ADCYAP1R1: variants seen among roughly 807,000 people sequenced by gnomAD.
The protein encoded by ADCYAP1R1 is pituitary adenylate cyclase-activating polypeptide type I receptor.
In ADCYAP1R1, 44 loss-of-function variants were observed where a neutral mutation model predicts 67.6. The observed-to-expected ratio is 0.65, with a 90% CI of 0.51 to 0.84. The LOEUF (loss-of-function observed/expected upper bound fraction) is 0.84. Ranked by LOEUF, ADCYAP1R1 falls within the 40% of genes least tolerant of loss-of-function variation. The pLI is 0.00. For missense variants in ADCYAP1R1, 477 were observed against 587.9 expected (o/e 0.81, Z 1.95); for synonymous variants, 222 against 219.6 (o/e 1.01, Z -0.10).
At chr7:31,080,663 C>T in intron 5 of ADCYAP1R1, 30 bp downstream of exon 5, 1 of 1,611,820 alleles carries the variant, frequency 6.2e-7, no homozygotes. Flanking sequence ...GGATAGACCG[C>T]TGTCTTTCTG....
At chr7:31,084,491 T>G (rs1014576296) in intron 7 of ADCYAP1R1, among the ~76,000 whole-genome samples, 2 of 152,238 alleles carry the variant, frequency 1.3e-5, no homozygotes, top group Non-Finnish European at 2.9e-5. Context: ...CTGTTCTGAT[T>G]GGACAGCGCT....
At chr7:31,069,812 G>T (rs988312657) in intron 3 of ADCYAP1R1, among the ~76,000 whole-genome samples, 1 of 152,222 alleles carries the variant, frequency 6.6e-6, no homozygotes, top group Non-Finnish European at 1.5e-5. Flanking sequence ...AGAGCCCAGA[G>T]AGGTGGCCGT....
chr7:31,070,200 T>G (rs898426570), intron 3 of ADCYAP1R1, among the ~76,000 whole-genome samples: 7 of 152,218 alleles, frequency 4.6e-5, no homozygotes, highest in African/African-American at 1.7e-4. Flanking sequence ...GCCCCCAGGC[T>G]CCGTTCCTTC....
chr7:31,096,421 C>G (rs1055677713), intron 13 of ADCYAP1R1, among the ~76,000 whole-genome samples: 2 of 152,212 alleles, frequency 1.3e-5, no homozygotes, highest in African/African-American at 4.8e-5. Context: ...TCTTCCACTT[C>G]CACAGCACCT....
At chr7:31,080,007 G>A (rs947868429) in intron 4 of ADCYAP1R1, among the ~76,000 whole-genome samples, 9 of 152,090 alleles carry the variant, frequency 5.9e-5, no homozygotes, top group South Asian at 2.1e-4. Context: ...TATTTCTTTC[G>A]TTCCGTCATT....
chr7:31,071,513 G>A (rs1013678108), intron 3 of ADCYAP1R1, among the ~76,000 whole-genome samples: 20 of 152,170 alleles, frequency 1.3e-4, no homozygotes, highest in South Asian at 2.1e-4. Flanking sequence ...TCTGGAGGAC[G>A]AAGGGGAGGA....
chr7:31,084,821 C>T lies in ADCYAP1R1; in HGVS notation c.523C>T (p.Leu175Phe), dbSNP rs965702796. Reference sequence around the variant, plus strand: ...CACCCTCACCACTGCCATGGTCATCCTTTGTCGCTTCCGGTGAGACCCTCA... The same window carrying T: ...CACCCTCACCACTGCCATGGTCATCTTTTGTCGCTTCCGGTGAGACCCTCA... ...LVTLTTAMVILCRFRKLHCTR... is the reference protein window; with the variant it reads ...LVTLTTAMVIFCRFRKLHCTR... Residue 175 changes from leucine to phenylalanine, a missense_variant, in exon 8 of 16, where the codon CTT becomes TTT. Coordinates refer to ENST00000304166, the MANE Select transcript of ADCYAP1R1 (RefSeq NM_001118.5). The T allele has an allele frequency of 6.2e-7, 1 of 1,614,160 alleles. No individual in the cohort carries two copies. The highest frequency in any genetic ancestry group is 2.2e-5 in the East Asian group (1 of 44,878).
At chr7:31,073,993 C>A (rs971143473) in intron 3 of ADCYAP1R1, among the ~76,000 whole-genome samples, 5 of 152,154 alleles carry the variant, frequency 3.3e-5, no homozygotes, top group Non-Finnish European at 7.4e-5. Context: ...TGAGAGCTCC[C>A]AGGCCCCGGC....
At chr7:31,097,696 C>G (rs1259275204) in intron 13 of ADCYAP1R1, among the ~76,000 whole-genome samples, 1 of 152,058 alleles carries the variant, frequency 6.6e-6, no homozygotes, top group African/African-American at 2.4e-5. Flanking sequence ...ATGGAAACAT[C>G]TAGGGTCCGG....
At chr7:31,060,654 T>A (rs955120324) in intron 1 of ADCYAP1R1, among the ~76,000 whole-genome samples, 3 of 152,078 alleles carry the variant, frequency 2.0e-5, no homozygotes, top group African/African-American at 4.8e-5. Context: ...GTCTTTATGA[T>A]CATCTCTGTG....
intron 1 of ADCYAP1R1, among the ~76,000 whole-genome samples, chr7:31,062,561 C>T (rs1794552880): frequency 6.6e-6 from 1 of 152,334 alleles, no homozygotes; most frequent in East Asian, 1.9e-4. Context: ...TCCAGGCAGG[C>T]TGGGTGGCTG....
At chr7:31,076,251 G>C (rs1795209016) in intron 3 of ADCYAP1R1, among the ~76,000 whole-genome samples, 1 of 152,178 alleles carries the variant, frequency 6.6e-6, no homozygotes. Context: ...CCCAGTAAGG[G>C]CTGAAATTGT....
intron 1 of ADCYAP1R1, among the ~76,000 whole-genome samples, chr7:31,060,528 G>T (rs1262941263): frequency 1.3e-5 from 2 of 151,924 alleles, no homozygotes; most frequent in Non-Finnish European, 2.9e-5. Context: ...GTGGTTGCCT[G>T]TCGGTCCCTG....
intron 6 of ADCYAP1R1, 117 bp from the exon 7 acceptor site, chr7:31,084,024 T>C: frequency 1.3e-6 from 1 of 782,400 alleles, no homozygotes. Context: ...TTCCCCATGC[T>C]TCCCAGTTGG....
chr7:31,100,906 ATCTCTGATGC>A (rs1379384739), intron 13 of ADCYAP1R1, among the ~76,000 whole-genome samples: 1 of 152,208 alleles, frequency 6.6e-6, no homozygotes, highest in East Asian at 1.9e-4. Context: ...TTATTTGGGC[ATCTCTGATGC>A]CCTTCTTGGT....
chr7:31,074,883 G>C (rs1795141725), intron 3 of ADCYAP1R1, among the ~76,000 whole-genome samples: 1 of 152,200 alleles, frequency 6.6e-6, no homozygotes, highest in African/African-American at 2.4e-5. Context: ...GGTACATCTG[G>C]TTCCCAAACT....
chr7:31,065,700 C>A (rs919490079), intron 3 of ADCYAP1R1, among the ~76,000 whole-genome samples: 6 of 152,174 alleles, frequency 3.9e-5, no homozygotes, highest in Non-Finnish European at 5.9e-5. Context: ...AGCTCTTGGC[C>A]TCAGGGGAAG....
At chr7:31,080,949 A>G (rs1488567270) in intron 5 of ADCYAP1R1, among the ~76,000 whole-genome samples, 2 of 152,230 alleles carry the variant, frequency 1.3e-5, no homozygotes, top group East Asian at 1.9e-4. Context: ...ATATATGTGC[A>G]TATGCCCAGA....
intron 1 of ADCYAP1R1, among the ~76,000 whole-genome samples, chr7:31,060,310 C>A (rs1278159047): frequency 1.3e-5 from 2 of 152,246 alleles, no homozygotes; most frequent in Non-Finnish European, 2.9e-5. Context: ...TATTGCCTCT[C>A]TATAGCTGAA....
Sources: gnomAD v4.1 joint callset for allele counts (sites outside exome capture counted in the v4.1 genomes callset) on GRCh38, gnomAD v4.1.1 for gene constraint, MANE v1.5 for transcripts, NCBI Gene and HGNC (gene_info 2026-07-23, HGNC 2026-07-21) for gene names.